The following BCKDHB variants were observed in gnomAD, a reference collection of about 807,000 sequenced individuals.
The protein encoded by BCKDHB is branched chain keto acid dehydrogenase E1 subunit beta.
In BCKDHB, 41 loss-of-function variants were observed where a neutral mutation model predicts 48.5. The observed-to-expected ratio is 0.85, with a 90% CI of 0.66 to 1.10. The LOEUF (loss-of-function observed/expected upper bound fraction) is 1.10. BCKDHB is among the 50% of genes least tolerant of loss of function. BCKDHB has a pLI of 0.00. For missense variants in BCKDHB, 496 were observed against 494.2 expected, an observed-to-expected ratio of 1.00 and a Z score of -0.03; for synonymous variants, 201 against 174.8, an observed-to-expected ratio of 1.15 and a Z score of -1.18.
At chr6:80,139,400 C>T (rs1201538550) in intron 3 of BCKDHB, among the ~76,000 whole-genome samples, 3 of 151,844 alleles carry the variant, frequency 2.0e-5, no homozygotes, top group Non-Finnish European at 4.4e-5. Context: ...TTGAATGGTA[C>T]TTCCTAGGTT....
chr6:80,163,351 C>T (rs564979487), intron 3 of BCKDHB, among the ~76,000 whole-genome samples: 2 of 148,374 alleles, frequency 1.3e-5, no homozygotes, highest in Admixed American at 6.7e-5. Flanking sequence ...TTTGCAGAAA[C>T]GGTCATGTTA....
At chr6:80,349,970 A>G (rs1002091219), downstream of BCKDHB, among the ~76,000 whole-genome samples, 1 of 152,170 alleles carries the variant, frequency 6.6e-6, no homozygotes, top group Non-Finnish European at 1.5e-5. Context: ...CAGAAACTAT[A>G]TCACCTTTTA....
the BCKDHB span, among the ~76,000 whole-genome samples, chr6:80,437,618 A>G: frequency 1.3e-5 from 2 of 152,190 alleles, no homozygotes; most frequent in Admixed American, 6.5e-5. Flanking sequence ...AGTATAAGTA[A>G]TATTTTCCAT....
the BCKDHB span, among the ~76,000 whole-genome samples, chr6:80,362,133 A>T: frequency 1.3e-5 from 2 of 152,138 alleles, no homozygotes; most frequent in Admixed American, 1.3e-4. Flanking sequence ...CATGGACTAG[A>T]ACTGAAAGCC....
the BCKDHB span, among the ~76,000 whole-genome samples, chr6:80,458,200 T>C: frequency 6.0e-3 from 910 of 152,306 alleles, 9 homozygotes; most frequent in African/African-American, 0.02. Flanking sequence ...TAATTTTTTC[T>C]GCACAATTTC....
the BCKDHB span, among the ~76,000 whole-genome samples, chr6:80,424,500 A>G: frequency 2.0e-5 from 3 of 152,212 alleles, no homozygotes; most frequent in Non-Finnish European, 2.9e-5. Context: ...ATTTCATTAC[A>G]TAATTAATTT....
rs1491248385 is a variant in BCKDHB, at chr6:80,260,228, T to TGTGG, written c.952-12906_952-12905insTGGG. On this transcript the variant is annotated intron_variant, in intron 8 of 9. Transcript: ENST00000320393. ...GTAATGGTGGGTGTGTGTGTGTGTG[T>TGTGG]GGGGTAATAAAATACAATCTTACCA... Among the ~76,000 whole-genome samples the TGTGG allele has an allele frequency of 4.2e-3, 644 of 151,734 alleles. 6 individuals are homozygous for TGTGG. Among genetic ancestry groups the TGTGG allele is most frequent in the East Asian group, 0.022 (113 of 5,154 alleles).
At chr6:80,155,839 G>GTT (rs377189940) in intron 3 of BCKDHB, among the ~76,000 whole-genome samples, 8,809 of 109,924 alleles carry the variant, frequency 0.08, 349 homozygotes, top group South Asian at 0.12. Flanking sequence ...ATGCAAAGTT[G>GTT]TTTTTTTTTT....
the BCKDHB span, among the ~76,000 whole-genome samples, chr6:80,377,710 A>G: frequency 6.6e-6 from 1 of 152,222 alleles, no homozygotes; most frequent in East Asian, 1.9e-4. Context: ...TTATGCCAGT[A>G]ATATAATGTT....
At chr6:80,320,383 A>G (rs1768659941) in intron 9 of BCKDHB, among the ~76,000 whole-genome samples, 1 of 152,222 alleles carries the variant, frequency 6.6e-6, no homozygotes, top group Admixed American at 6.5e-5. Context: ...AAGAATTTGT[A>G]TCATCTAAAC....
intron 9 of BCKDHB, among the ~76,000 whole-genome samples, chr6:80,291,596 G>A (rs996541702): frequency 4.6e-5 from 7 of 152,120 alleles, no homozygotes; most frequent in African/African-American, 1.7e-4. Flanking sequence ...GTTACTAGCT[G>A]ATTCCACTAT....
chr6:80,390,615 G>C, the BCKDHB span, among the ~76,000 whole-genome samples: 2 of 152,124 alleles, frequency 1.3e-5, no homozygotes, highest in East Asian at 3.9e-4. Context: ...AATAGCATTT[G>C]GGTTGGGGAT....
At chr6:80,443,451 G>T in the BCKDHB span, 1 of 152,066 alleles carries the variant, frequency 6.6e-6, no homozygotes, top group Non-Finnish European at 1.5e-5. Flanking sequence ...TGTCCATGGG[G>T]CAAGAAACAT....
chr6:80,426,715 G>A, the BCKDHB span, among the ~76,000 whole-genome samples: 1 of 152,076 alleles, frequency 6.6e-6, no homozygotes, highest in Non-Finnish European at 1.5e-5. Flanking sequence ...TTTAAAAAAT[G>A]TACTGAGACA....
At chr6:80,198,609 C>T (rs1219285163) in intron 6 of BCKDHB, among the ~76,000 whole-genome samples, 1 of 152,004 alleles carries the variant, frequency 6.6e-6, no homozygotes, top group African/African-American at 2.4e-5. Flanking sequence ...TACTTATAAA[C>T]ATGATTTTAA....
At chr6:80,229,415 C>T (rs1017053508) in intron 8 of BCKDHB, among the ~76,000 whole-genome samples, 1 of 151,980 alleles carries the variant, frequency 6.6e-6, no homozygotes, top group Non-Finnish European at 1.5e-5. Context: ...GTGCAAAAGG[C>T]CTGAGGCAGG....
intron 1 of BCKDHB, among the ~76,000 whole-genome samples, chr6:80,118,875 A>G (rs4437429): frequency 0.37 from 55,822 of 152,006 alleles, 12,260 homozygotes; most frequent in Admixed American, 0.56. Flanking sequence ...CTCCTCATCC[A>G]TTGAAGTTTT....
chr6:80,200,573 G>A (rs9688523), intron 6 of BCKDHB, among the ~76,000 whole-genome samples: 12,294 of 152,106 alleles, frequency 0.081, 570 homozygotes, highest in South Asian at 0.099. Flanking sequence ...ACCACACACA[G>A]GGTTTGCCTT....
At chr6:80,262,437 G>A (rs1025071344) in intron 8 of BCKDHB, among the ~76,000 whole-genome samples, 1 of 152,062 alleles carries the variant, frequency 6.6e-6, no homozygotes, top group Non-Finnish European at 1.5e-5. Flanking sequence ...GGAGTCCTCT[G>A]AGAATCAACT....
Sources: allele counts gnomAD v4.1 joint callset (sites outside exome capture counted in the v4.1 genomes callset), GRCh38; gene constraint gnomAD v4.1.1; transcripts MANE v1.5; gene names NCBI Gene and HGNC (gene_info 2026-07-23, HGNC 2026-07-21).